SAMD5: variants seen among roughly 807,000 people sequenced by gnomAD.
The protein encoded by SAMD5 is sterile alpha motif domain-containing protein 5.
A neutral mutation model predicts 11.3 loss-of-function variants in SAMD5; 13 were observed. The observed-to-expected ratio is 1.15, with a 90% CI of 0.75 to 1.83. The LOEUF (loss-of-function observed/expected upper bound fraction) is 1.83, where lower values mean the gene tolerates loss of function less well. Ranked by LOEUF, SAMD5 falls within the 40% of genes most tolerant of loss-of-function variation. The probability of loss-of-function intolerance (pLI) is 0.00; values close to 1 mark genes in which losing one functional copy is unlikely to be tolerated. For synonymous variants in SAMD5, 129 were observed against 111.3 expected, an observed-to-expected ratio of 1.16 and a Z score of -1.00; for missense variants, 255 against 239.1, an observed-to-expected ratio of 1.07 and a Z score of -0.44.
the SAMD5 span, among the ~76,000 whole-genome samples, chr6:147,790,954 T>C: frequency 6.6e-6 from 1 of 152,036 alleles, no homozygotes; most frequent in Non-Finnish European, 1.5e-5. Flanking sequence ...TTAAGTATTG[T>C]GTGTGTATGT....
At chr6:147,883,362 G>A in the SAMD5 span, among the ~76,000 whole-genome samples, 1 of 152,162 alleles carries the variant, frequency 6.6e-6, no homozygotes, top group Non-Finnish European at 1.5e-5. Flanking sequence ...GAGCAGATCT[G>A]AGTCATGTAA....
chr6:147,684,141 A>G (rs1166617864), intron 1 of SAMD5, among the ~76,000 whole-genome samples: 19 of 151,964 alleles, frequency 1.3e-4, no homozygotes, highest in Non-Finnish European at 1.5e-5. Context: ...CCCAGAGCTA[A>G]GCGTTTCATT....
the SAMD5 span, among the ~76,000 whole-genome samples, chr6:147,781,348 G>T: frequency 2.0e-5 from 3 of 151,930 alleles, no homozygotes; most frequent in East Asian, 3.9e-4. Flanking sequence ...GTAGAGACAG[G>T]GTCTCACTAT....
intron 1 of SAMD5, among the ~76,000 whole-genome samples, chr6:147,624,918 G>C (rs1241774182): frequency 6.6e-6 from 1 of 151,948 alleles, no homozygotes; most frequent in African/African-American, 2.4e-5. Context: ...AACATGGTTA[G>C]ATTATGGAGA....
the SAMD5 span, among the ~76,000 whole-genome samples, chr6:147,935,311 GA>G: frequency 6.6e-6 from 1 of 152,148 alleles, no homozygotes; most frequent in Non-Finnish European, 1.5e-5. Context: ...GGCCTTGAAG[GA>G]AGATGAAGCT....
chr6:147,694,443 T>C (rs1028211242), intron 1 of SAMD5, among the ~76,000 whole-genome samples: 2 of 152,222 alleles, frequency 1.3e-5, no homozygotes, highest in African/African-American at 2.4e-5. Flanking sequence ...AGGTTGGTGG[T>C]GAGTTTGCCT....
chr6:147,666,728 G>A (rs560767734), intron 1 of SAMD5, among the ~76,000 whole-genome samples: 1 of 152,196 alleles, frequency 6.6e-6, no homozygotes, highest in South Asian at 2.1e-4. Context: ...ATACAGGGAA[G>A]TCATCATATT....
chr6:147,802,102 A>G, the SAMD5 span, among the ~76,000 whole-genome samples: 1 of 152,240 alleles, frequency 6.6e-6, no homozygotes, highest in Non-Finnish European at 1.5e-5. Context: ...TAGCAGACAC[A>G]AGAAATGAAC....
intron 1 of SAMD5, among the ~76,000 whole-genome samples, chr6:147,644,089 T>G (rs1790358995): frequency 6.6e-6 from 1 of 152,182 alleles, no homozygotes; most frequent in African/African-American, 2.4e-5. Context: ...TTGCCCTTGG[T>G]GAAATGTTTT....
At chr6:147,875,994 T>C in the SAMD5 span, among the ~76,000 whole-genome samples, 130 of 152,292 alleles carry the variant, frequency 8.5e-4, 1 homozygote, top group South Asian at 2.1e-3. Flanking sequence ...CCCTGGTCCG[T>C]GGAAAAATTG....
At chr6:147,790,535 T>G in the SAMD5 span, among the ~76,000 whole-genome samples, 1 of 152,126 alleles carries the variant, frequency 6.6e-6, no homozygotes, top group Admixed American at 6.5e-5. Flanking sequence ...AGGGGTGACT[T>G]GTGGATTTAA....
At chr6:147,944,044 AG>A in the SAMD5 span, among the ~76,000 whole-genome samples, 1 of 152,126 alleles carries the variant, frequency 6.6e-6, no homozygotes, top group Non-Finnish European at 1.5e-5. Flanking sequence ...CTTCTGGAGA[AG>A]GTAAAGGACT....
At chr6:147,722,071 A>C (rs946701588) in intron 1 of SAMD5, among the ~76,000 whole-genome samples, 2 of 152,220 alleles carry the variant, frequency 1.3e-5, no homozygotes, top group African/African-American at 2.4e-5. Flanking sequence ...ATTTATGCCA[A>C]TATGCCTATT....
At chr6:147,829,188 G>A in the SAMD5 span, among the ~76,000 whole-genome samples, 4 of 152,122 alleles carry the variant, frequency 2.6e-5, no homozygotes, top group South Asian at 2.1e-4. Context: ...CTCAGCGTTC[G>A]AATAAACTGG....
At chr6:147,918,906 C>T in the SAMD5 span, among the ~76,000 whole-genome samples, 2 of 151,898 alleles carry the variant, frequency 1.3e-5, no homozygotes, top group Admixed American at 6.6e-5. Flanking sequence ...AGGGTTTCAC[C>T]GTGTTAGCCA....
chr6:147,809,694 C>T, the SAMD5 span, among the ~76,000 whole-genome samples: 1 of 152,170 alleles, frequency 6.6e-6, no homozygotes, highest in Non-Finnish European at 1.5e-5. Flanking sequence ...GTTTTGGATT[C>T]AGATTATCAG....
At chr6:147,691,782 C>G (rs1460073393) in intron 1 of SAMD5, among the ~76,000 whole-genome samples, 2 of 152,178 alleles carry the variant, frequency 1.3e-5, no homozygotes. Context: ...CAACACTGTT[C>G]AGAAATCAAG....
the SAMD5 span, among the ~76,000 whole-genome samples, chr6:147,820,200 A>G: frequency 2.0e-5 from 3 of 152,140 alleles, no homozygotes; most frequent in African/African-American, 7.2e-5. Context: ...ACCTGCTTTA[A>G]ACATATTTCT....
intron 1 of SAMD5, among the ~76,000 whole-genome samples, chr6:147,513,619 G>C (rs928953205): frequency 6.6e-6 from 1 of 152,186 alleles, no homozygotes; most frequent in African/African-American, 2.4e-5. Context: ...GGATTTCAGA[G>C]GCGGCCAGAG....
Sources: gnomAD v4.1 joint callset for allele counts (sites outside exome capture counted in the v4.1 genomes callset) on GRCh38, gnomAD v4.1.1 for gene constraint, MANE v1.5 for transcripts, NCBI Gene and HGNC (gene_info 2026-07-23, HGNC 2026-07-21) for gene names.